COL25A1: variants seen among roughly 807,000 people sequenced by gnomAD.
COL25A1 encodes the protein collagen alpha-1(XXV) chain.
Under a neutral mutation model 128.4 loss-of-function variants are expected in COL25A1, and 103 were observed. The observed-to-expected ratio is 0.80, with a 90% CI of 0.68 to 0.94. COL25A1 has a LOEUF of 0.94. Among genes scored for constraint, COL25A1 ranks in the 40% least tolerant of loss-of-function variants. The pLI is 0.00. For synonymous variants in COL25A1, 279 were observed against 277.2 expected (o/e 1.01, Z -0.06); for missense variants, 745 against 840.0 (o/e 0.89, Z 1.40).
intron 3 of COL25A1, among the ~76,000 whole-genome samples, chr4:109,102,481 G>A (rs865877508): frequency 7.2e-5 from 11 of 152,014 alleles, no homozygotes; most frequent in African/African-American, 2.7e-4. Context: ...GTTGTTAGGT[G>A]GAATGTTCTA....
intron 6 of COL25A1, among the ~76,000 whole-genome samples, chr4:109,002,185 T>C (rs1420945721): frequency 6.6e-6 from 1 of 152,196 alleles, no homozygotes; most frequent in Non-Finnish European, 1.5e-5. Context: ...ACTACTACCA[T>C]AGGACCTAGC....
At chr4:108,984,576 C>T (rs1024956310) in intron 6 of COL25A1, among the ~76,000 whole-genome samples, 1 of 152,220 alleles carries the variant, frequency 6.6e-6, no homozygotes, top group Non-Finnish European at 1.5e-5. Flanking sequence ...AAATTGAGCA[C>T]AGCAGCTGCT....
intron 3 of COL25A1, among the ~76,000 whole-genome samples, chr4:109,109,528 G>A (rs1048326862): frequency 2.0e-4 from 31 of 152,118 alleles, no homozygotes; most frequent in African/African-American, 7.2e-4. Context: ...GAGCCACTGC[G>A]CCCGGCCTAA....
intron 3 of COL25A1, among the ~76,000 whole-genome samples, chr4:109,239,965 C>A (rs2126230119): frequency 6.6e-6 from 1 of 152,078 alleles, no homozygotes; most frequent in East Asian, 1.9e-4. Context: ...TCAGGATGAT[C>A]AACATCACTG....
intron 3 of COL25A1, among the ~76,000 whole-genome samples, chr4:109,138,062 G>A (rs898306766): frequency 3.4e-5 from 5 of 148,918 alleles, no homozygotes; most frequent in Admixed American, 2.0e-4. Context: ...AGGTATACAC[G>A]TACCATGGTG....
rs745815624 is a variant in COL25A1, at chr4:108,901,149, T to G, written c.804A>C (p.Ala268=). 6.2e-7 allele frequency: 1 copy of G among 1,612,670 alleles called. No individual in the cohort carries two copies. Among genetic ancestry groups the G allele is most frequent in the South Asian group, 1.1e-5 (1 of 90,996 alleles). The change falls in exon 14 of 38, where the codon GCA becomes GCC. Residue 268 remains alanine (A), a synonymous_variant. Transcript: ENST00000399132. ...GQKGEPGLPG[A]VGQNGIPGPK... Reference sequence around the variant, plus strand: ...GTCCTGGTATTCCATTCTGTCCTACTGCTCCAGGCAACCCGGGCTCACCCT... The same window carrying G: ...GTCCTGGTATTCCATTCTGTCCTACGGCTCCAGGCAACCCGGGCTCACCCT...
intron 3 of COL25A1, among the ~76,000 whole-genome samples, chr4:109,162,666 G>T (rs1772689811): frequency 6.6e-6 from 1 of 152,184 alleles, no homozygotes; most frequent in Non-Finnish European, 1.5e-5. Context: ...AAATAAGAAT[G>T]AGTGTGACTA....
chr4:108,958,699 G>A (rs72668398), intron 8 of COL25A1, among the ~76,000 whole-genome samples: 67 of 151,924 alleles, frequency 4.4e-4, no homozygotes, highest in Non-Finnish European at 7.2e-4. Context: ...CTTAACGATG[G>A]TTATTCTATC....
intron 3 of COL25A1, among the ~76,000 whole-genome samples, chr4:109,124,084 C>T (rs1335974356): frequency 6.6e-6 from 1 of 151,968 alleles, no homozygotes; most frequent in Non-Finnish European, 1.5e-5. Flanking sequence ...TAAGGAAAAA[C>T]TCTACTTTCT....
intron 3 of COL25A1, among the ~76,000 whole-genome samples, chr4:109,253,908 A>C (rs892285103): frequency 1.3e-5 from 2 of 152,126 alleles, no homozygotes; most frequent in Non-Finnish European, 2.9e-5. Flanking sequence ...TAACACGGTG[A>C]AACCCTGTCT....
chr4:109,275,931 C>T (rs748678364), intron 3 of COL25A1, among the ~76,000 whole-genome samples: 19 of 152,164 alleles, frequency 1.2e-4, no homozygotes, highest in Non-Finnish European at 2.1e-4. Context: ...CTCCCTCCAC[C>T]ACCCTTGCTT....
chr4:109,038,105 C>T (rs1231282133), intron 5 of COL25A1, among the ~76,000 whole-genome samples: 1 of 152,200 alleles, frequency 6.6e-6, no homozygotes, highest in Non-Finnish European at 1.5e-5. Flanking sequence ...TGTCTGTTTA[C>T]AACCTCACTG....
chr4:109,142,619 A>C (rs955884339), intron 3 of COL25A1, among the ~76,000 whole-genome samples: 7 of 151,358 alleles, frequency 4.6e-5, no homozygotes, highest in African/African-American at 1.5e-4. Flanking sequence ...ATATATATTT[A>C]GGTTAGCTTT....
At chr4:109,144,527 GGAA>G (rs1410537094) in intron 3 of COL25A1, among the ~76,000 whole-genome samples, 1 of 152,206 alleles carries the variant, frequency 6.6e-6, no homozygotes, top group Non-Finnish European at 1.5e-5. Context: ...TTCTGTGCAA[GGAA>G]GATGGGAGTT....
chr4:108,973,592 T>TA (rs1752128312), intron 8 of COL25A1, among the ~76,000 whole-genome samples: 2 of 152,306 alleles, frequency 1.3e-5, no homozygotes, highest in Middle Eastern at 3.4e-3. Context: ...CTTTCCACTG[T>TA]AAAAAATTAC....
chr4:109,240,786 G>C (rs1436348964), intron 3 of COL25A1, among the ~76,000 whole-genome samples: 1 of 151,996 alleles, frequency 6.6e-6, no homozygotes, highest in Non-Finnish European at 1.5e-5. Flanking sequence ...GACCTTATAG[G>C]TCACTGAAAG....
intron 35 of COL25A1, among the ~76,000 whole-genome samples, chr4:108,822,290 C>T (rs902439460): frequency 5.3e-5 from 8 of 151,942 alleles, no homozygotes; most frequent in East Asian, 1.9e-4. Context: ...GTGATCCACC[C>T]GCCTCGGCCT....
At chr4:108,961,270 A>T (rs950387168) in intron 8 of COL25A1, among the ~76,000 whole-genome samples, 1 of 152,200 alleles carries the variant, frequency 6.6e-6, no homozygotes, top group African/African-American at 2.4e-5. Context: ...GTAAGTATTC[A>T]CACACAGAGA....
At chr4:109,002,256 C>A (rs867132471) in intron 6 of COL25A1, among the ~76,000 whole-genome samples, 34 of 152,192 alleles carry the variant, frequency 2.2e-4, no homozygotes, top group African/African-American at 7.5e-4. Flanking sequence ...GAGATATCTG[C>A]ATGCACGTGT....
Sources: gnomAD v4.1 joint callset for allele counts (sites outside exome capture counted in the v4.1 genomes callset) on GRCh38, gnomAD v4.1.1 for gene constraint, MANE v1.5 for transcripts, NCBI Gene and HGNC (gene_info 2026-07-23, HGNC 2026-07-21) for gene names.